Variants in VWC2 observed in about 807,000 individuals in gnomAD.
The protein encoded by VWC2 is brorin.
VWC2 carries 14 observed loss-of-function variants against 29.8 expected under a neutral mutation model. The observed-to-expected ratio is 0.47, with a 90% confidence interval of 0.31 to 0.74. VWC2 has a LOEUF of 0.74. Ranked by LOEUF, VWC2 falls within the 30% of genes least tolerant of loss-of-function variation. VWC2 has a pLI of 0.05. For synonymous variants in VWC2, 213 were observed against 199.0 expected (o/e 1.07, Z -0.59); for missense variants, 457 against 459.8 (o/e 0.99, Z 0.05).
At chr7:49,847,774 C>T (rs752061216) in intron 3 of VWC2, among the ~76,000 whole-genome samples, 4 of 152,094 alleles carry the variant, frequency 2.6e-5, no homozygotes, top group Non-Finnish European at 5.9e-5. Flanking sequence ...CAGGAACTGC[C>T]CCTGTGTCTG....
chr7:49,779,279 T>A (rs1788124186), intron 2 of VWC2, among the ~76,000 whole-genome samples: 1 of 152,208 alleles, frequency 6.6e-6, no homozygotes, highest in African/African-American at 2.4e-5. Context: ...AAACTTGTTT[T>A]TTCCCTTCTT....
intron 3 of VWC2, among the ~76,000 whole-genome samples, chr7:49,857,009 CAAAAAAAAAAAAAAA>C (rs59910243): frequency 1.9e-5 from 1 of 52,764 alleles, no homozygotes; most frequent in African/African-American, 7.9e-5. Context: ...GATACTGTCT[CAAAAAAAAAAAAAAA>C]AAAAAAAAAA....
At chr7:49,877,657 G>A (rs1376769836) in intron 3 of VWC2, among the ~76,000 whole-genome samples, 6 of 148,892 alleles carry the variant, frequency 4.0e-5, no homozygotes, top group Non-Finnish European at 8.9e-5. Context: ...TGATTTACCT[G>A]TTGTGGTACC....
chr7:49,882,253 G>A (rs1791700891), intron 3 of VWC2, among the ~76,000 whole-genome samples: 1 of 152,110 alleles, frequency 6.6e-6, no homozygotes, highest in Non-Finnish European at 1.5e-5. Context: ...TTTTCAATTA[G>A]GAGGAGGAAG....
chr7:49,913,893 T>A lies in VWC2; in HGVS notation c.*1708T>A, dbSNP rs1319695267. ...AAGTATAAAGATGCCACTGACTGAGTCATCAAAACACTACATATAGTCATT... is the reference window on the plus strand; with the variant it reads ...AAGTATAAAGATGCCACTGACTGAGACATCAAAACACTACATATAGTCATT... On this transcript the variant is annotated 3_prime_UTR_variant, in exon 4 of 4. Transcript: ENST00000340652. 6.6e-6 allele frequency: 1 copy of A among 152,168 alleles called. No homozygotes were observed. The highest frequency in any genetic ancestry group is 1.5e-5 in the Non-Finnish European group (1 of 68,016). The allele number at this position is 152,168 out of a possible 1,614,324, so 9.4% of individuals were successfully genotyped here.
chr7:49,845,652 C>G (rs1789923685), intron 3 of VWC2, among the ~76,000 whole-genome samples: 1 of 152,212 alleles, frequency 6.6e-6, no homozygotes, highest in South Asian at 2.1e-4. Context: ...CTTTAAAATA[C>G]CAACCTTCGG....
In VWC2 at chr7:49,784,681, A is replaced by T. The variant is rs188741235; in HGVS notation, c.696+8550A>T. On this transcript the variant is annotated intron_variant, in intron 2 of 3. Transcript: ENST00000340652. Reference sequence around the variant, plus strand: ...TTTGTGTTTTCCCCAAGTCATTGCCATCTGTAGCAGGCTTACCCTCTTATG... The same window carrying T: ...TTTGTGTTTTCCCCAAGTCATTGCCTTCTGTAGCAGGCTTACCCTCTTATG... Among the ~76,000 whole-genome samples the T allele has an allele frequency of 3.3e-5, 5 of 152,350 alleles. No individual in the cohort carries two copies. In the East Asian group the frequency reaches 9.6e-4, roughly 29 times the overall value.
At chr7:49,832,041 G>A (rs1789543992) in intron 3 of VWC2, among the ~76,000 whole-genome samples, 1 of 152,148 alleles carries the variant, frequency 6.6e-6, no homozygotes, top group African/African-American at 2.4e-5. Context: ...GGGGTCCCTG[G>A]AGGAAGGTTA....
intron 3 of VWC2, among the ~76,000 whole-genome samples, chr7:49,842,169 A>G (rs1457569793): frequency 6.6e-6 from 1 of 152,154 alleles, no homozygotes; most frequent in Non-Finnish European, 1.5e-5. Flanking sequence ...CGCCTGGCCA[A>G]TTCAACTCTT....
At chr7:49,840,430 A>G (rs911868212) in intron 3 of VWC2, among the ~76,000 whole-genome samples, 1 of 152,120 alleles carries the variant, frequency 6.6e-6, no homozygotes, top group African/African-American at 2.4e-5. Flanking sequence ...CAGATCCATC[A>G]TTTGTTTATC....
chr7:49,875,285 G>T (rs1255822853), intron 3 of VWC2, among the ~76,000 whole-genome samples: 6 of 132,712 alleles, frequency 4.5e-5, no homozygotes, highest in African/African-American at 1.7e-4. Flanking sequence ...CAGGAGAATC[G>T]CCTGAACCCA....
intron 3 of VWC2, among the ~76,000 whole-genome samples, chr7:49,909,333 G>A (rs1371605837): frequency 6.9e-6 from 1 of 144,128 alleles, no homozygotes; most frequent in Non-Finnish European, 1.5e-5. Context: ...ATACAGAAAA[G>A]AAGGCATGCC....
At chr7:49,797,747 A>G (rs2098883) in intron 2 of VWC2, among the ~76,000 whole-genome samples, 22,905 of 152,194 alleles carry the variant, frequency 0.15, 2,133 homozygotes, top group Middle Eastern at 0.21. Flanking sequence ...CTCACTCCCA[A>G]TCCCAAGAAA....
chr7:49,795,326 G>A (rs1322942505), intron 2 of VWC2, among the ~76,000 whole-genome samples: 2 of 152,204 alleles, frequency 1.3e-5, no homozygotes, highest in Admixed American at 6.5e-5. Flanking sequence ...CATTGACAGA[G>A]GGAGTAGAGC....
chr7:49,870,344 G>A (rs1280393794), intron 3 of VWC2, among the ~76,000 whole-genome samples: 1 of 152,174 alleles, frequency 6.6e-6, no homozygotes, highest in Non-Finnish European at 1.5e-5. Context: ...AGCTTGCAGT[G>A]AGCGAAGATT....
At chr7:49,845,408 A>G (rs554653555) in intron 3 of VWC2, among the ~76,000 whole-genome samples, 2 of 152,342 alleles carry the variant, frequency 1.3e-5, no homozygotes, top group African/African-American at 4.8e-5. Flanking sequence ...TATAATTTCA[A>G]CAACAATGCT....
intron 3 of VWC2, among the ~76,000 whole-genome samples, chr7:49,856,590 T>C (rs1454387986): frequency 1.3e-5 from 2 of 152,222 alleles, no homozygotes; most frequent in African/African-American, 4.8e-5. Flanking sequence ...TATAAAAAAC[T>C]TCACACAATT....
intron 3 of VWC2, among the ~76,000 whole-genome samples, chr7:49,841,752 T>C (rs1319689084): frequency 1.3e-5 from 2 of 152,362 alleles, no homozygotes; most frequent in East Asian, 3.9e-4. Flanking sequence ...TAATGTGTAA[T>C]AATTTTTGCA....
At chr7:49,879,995 G>C (rs1290909437) in intron 3 of VWC2, among the ~76,000 whole-genome samples, 1 of 152,056 alleles carries the variant, frequency 6.6e-6, no homozygotes, top group Non-Finnish European at 1.5e-5. Context: ...CAGGCTTCAA[G>C]TTTCAAGAAA....
Sources: allele counts gnomAD v4.1 joint callset (sites outside exome capture counted in the v4.1 genomes callset), GRCh38; gene constraint gnomAD v4.1.1; transcripts MANE v1.5; gene names NCBI Gene and HGNC (gene_info 2026-07-23, HGNC 2026-07-21).